Variants in COBLL1 observed in about 807,000 individuals in gnomAD.
COBLL1 encodes the protein cordon-bleu protein-like 1.
COBLL1 carries 50 observed loss-of-function variants against 94.8 expected under a neutral mutation model. The ratio of observed to expected loss-of-function variants is 0.53; its 90% CI spans 0.42 to 0.67. COBLL1 has a LOEUF of 0.67. Ranked by LOEUF, COBLL1 falls within the 30% of genes least tolerant of loss-of-function variation. COBLL1 has a pLI of 0.00. For synonymous variants in COBLL1, 448 were observed against 473.8 expected (o/e 0.95, Z 0.71); for missense variants, 1,362 against 1,348.7 (o/e 1.01, Z -0.15).
chr2:164,674,886 C>A (rs1691311185), intron 1 of COBLL1, among the ~76,000 whole-genome samples: 2 of 152,176 alleles, frequency 1.3e-5, no homozygotes, highest in Non-Finnish European at 2.9e-5. Context: ...GATTTGAAAT[C>A]TTTGTTATTT....
chr2:164,666,418 C>T (rs1327957306), intron 1 of COBLL1, among the ~76,000 whole-genome samples: 2 of 152,152 alleles, frequency 1.3e-5, no homozygotes, highest in East Asian at 3.8e-4. Context: ...AATGTTTTTG[C>T]TAGTAGAAGG....
At chr2:164,695,866 T>C (rs745449057) in intron 11 of COBLL1, 30 bp from the exon 12 acceptor site, 2 of 1,499,998 alleles carry the variant, frequency 1.3e-6, no homozygotes, top group Non-Finnish European at 1.8e-6. Context: ...AAGTTAAATA[T>C]ATGAAAGAAG....
chr2:164,693,013 TTTAA>T (rs1283723009), intron 12 of COBLL1, among the ~76,000 whole-genome samples: 1 of 152,140 alleles, frequency 6.6e-6, no homozygotes, highest in African/African-American at 2.4e-5. Flanking sequence ...GACTAAAAAA[TTTAA>T]TTACGCTTCT....
At chr2:164,831,174 TA>T (rs1277032012) in intron 2 of COBLL1, among the ~76,000 whole-genome samples, 1 of 151,944 alleles carries the variant, frequency 6.6e-6, no homozygotes, top group Admixed American at 6.6e-5. Flanking sequence ...ATACAAAAAT[TA>T]GCCAGGCATG....
chr2:164,705,589 C>T (rs1228879688), intron 7 of COBLL1, among the ~76,000 whole-genome samples: 1 of 152,202 alleles, frequency 6.6e-6, no homozygotes, highest in African/African-American at 2.4e-5. Flanking sequence ...CTACTGCTCA[C>T]ACTCCTAGCC....
In COBLL1 at chr2:164,722,324, G is replaced by T. The variant is rs1008008063; in HGVS notation, c.760-13C>A. ...GGGCACTTGCAGTCTAGTAAAGAATGACAAAGACAAAATCTAGTAATTTCA... is the reference window on the plus strand; with the variant it reads ...GGGCACTTGCAGTCTAGTAAAGAATTACAAAGACAAAATCTAGTAATTTCA... On this transcript the variant is annotated splice_polypyrimidine_tract_variant and intron_variant, in intron 6 of 13. Transcript: ENST00000652658. 6.3e-7 allele frequency: 1 copy of T among 1,598,450 alleles called. No homozygotes were observed. The highest frequency in any genetic ancestry group is 1.1e-5 in the South Asian group (1 of 89,512).
At chr2:164,819,402 G>A (rs927613575) in intron 2 of COBLL1, among the ~76,000 whole-genome samples, 1 of 152,132 alleles carries the variant, frequency 6.6e-6, no homozygotes, top group South Asian at 2.1e-4. Context: ...ATTAAATATT[G>A]TAAGAGTTTC....
chr2:164,818,788 A>ATATATATATATAT (rs1321512077), intron 2 of COBLL1, among the ~76,000 whole-genome samples: 1 of 149,658 alleles, frequency 6.7e-6, no homozygotes, highest in Non-Finnish European at 1.5e-5. Context: ...ATATACATAT[A>ATATATATATATAT]ATTTTTTTTC....
intron 1 of COBLL1, among the ~76,000 whole-genome samples, chr2:164,667,850 A>G (rs993277472): frequency 1.3e-5 from 2 of 151,918 alleles, no homozygotes; most frequent in South Asian, 2.1e-4. Context: ...CTTATCATTC[A>G]TGTGTTCACT....
rs1683019811 is a variant in COBLL1, at chr2:164,681,060, C to T, written c.*4886G>A. The T allele has an allele frequency of 6.6e-6, 1 of 152,154 alleles. No homozygotes were observed. The highest frequency in any genetic ancestry group is 6.5e-5 in the Admixed American group (1 of 15,270). The allele number at this position is 152,154 out of a possible 1,614,324, so 9.4% of individuals were successfully genotyped here. On this transcript the variant is annotated 3_prime_UTR_variant, in exon 14 of 14. Transcript: ENST00000652658. The stretch of plus-strand genomic sequence containing the variant: ...GATTTAGTAAGTCATCTGTGAGATT[C>T]TGGAGGAAACAGCGTTGTGGAACTG...
At chr2:164,757,555 A>C (rs1226102742) in intron 2 of COBLL1, among the ~76,000 whole-genome samples, 1 of 150,412 alleles carries the variant, frequency 6.6e-6, no homozygotes, top group Non-Finnish European at 1.5e-5. Context: ...AGAATTTTAC[A>C]TATATACACA....
At chr2:164,831,093 C>A (rs923404739) in intron 2 of COBLL1, among the ~76,000 whole-genome samples, 3 of 152,142 alleles carry the variant, frequency 2.0e-5, no homozygotes, top group South Asian at 2.1e-4. Flanking sequence ...GAGGCCAAGG[C>A]GGGTGGTTCA....
At chr2:164,783,692 C>T (rs934603976) in intron 2 of COBLL1, among the ~76,000 whole-genome samples, 6 of 151,720 alleles carry the variant, frequency 4.0e-5, no homozygotes, top group East Asian at 1.9e-4. Flanking sequence ...ACTGGCCAGG[C>T]GCAGTGATTC....
chr2:164,817,196 T>C (rs1443313991), intron 2 of COBLL1, among the ~76,000 whole-genome samples: 1 of 152,090 alleles, frequency 6.6e-6, no homozygotes, highest in East Asian at 1.9e-4. Context: ...AGGCTTTGTC[T>C]GGATTAACCA....
intron 2 of COBLL1, among the ~76,000 whole-genome samples, chr2:164,758,587 A>G (rs1288573627): frequency 6.6e-6 from 1 of 152,074 alleles, no homozygotes; most frequent in African/African-American, 2.4e-5. Context: ...CTTGCAAGCA[A>G]CATATATGGG....
chr2:164,780,910 C>T (rs910254179), intron 2 of COBLL1, among the ~76,000 whole-genome samples: 2 of 152,180 alleles, frequency 1.3e-5, no homozygotes, highest in African/African-American at 2.4e-5. Context: ...TGCTGTTCCA[C>T]TAAGTCAACT....
At chr2:164,784,240 T>C (rs543730554) in intron 2 of COBLL1, among the ~76,000 whole-genome samples, 1 of 152,310 alleles carries the variant, frequency 6.6e-6, no homozygotes, top group Admixed American at 6.5e-5. Flanking sequence ...TTATATTTTA[T>C]AGACTTTAAG....
chr2:164,780,599 T>C (rs919013092), intron 2 of COBLL1, among the ~76,000 whole-genome samples: 5 of 152,140 alleles, frequency 3.3e-5, no homozygotes, highest in African/African-American at 4.8e-5. Flanking sequence ...GATCTCAGGA[T>C]AATGGGTTAT....
chr2:164,767,706 T>C (rs1437747685), intron 2 of COBLL1, among the ~76,000 whole-genome samples: 2 of 152,198 alleles, frequency 1.3e-5, no homozygotes, highest in East Asian at 1.9e-4. Flanking sequence ...TAGTGTCCCA[T>C]TCAATTATAA....
Sources: gnomAD v4.1 joint callset for allele counts (sites outside exome capture counted in the v4.1 genomes callset) on GRCh38, gnomAD v4.1.1 for gene constraint, MANE v1.5 for transcripts, NCBI Gene and HGNC (gene_info 2026-07-23, HGNC 2026-07-21) for gene names.